The following NTM variants were observed in gnomAD, a reference collection of about 807,000 sequenced individuals.
The protein encoded by NTM is IgLON family member 2.
NTM carries 13 observed loss-of-function variants against 42.1 expected under a neutral mutation model. The observed-to-expected ratio is 0.31, with a 90% CI of 0.20 to 0.49. The LOEUF is 0.49. NTM is among the 20% of genes least tolerant of loss of function. The probability of loss-of-function intolerance (pLI) is 0.99; values close to 1 mark genes in which losing one functional copy is unlikely to be tolerated. For synonymous variants in NTM, 187 were observed against 179.2 expected (o/e 1.04, Z -0.35); for missense variants, 373 against 452.8 (o/e 0.82, Z 1.60).
At chr11:131,926,283 A>G (rs921661330) in intron 2 of NTM, among the ~76,000 whole-genome samples, 5 of 152,180 alleles carry the variant, frequency 3.3e-5, no homozygotes, top group African/African-American at 9.6e-5. Context: ...GCACAACTGT[A>G]CTTAGCAGGA....
intron 2 of NTM, among the ~76,000 whole-genome samples, chr11:131,973,696 A>C (rs1286886751): frequency 6.6e-6 from 1 of 152,212 alleles, no homozygotes; most frequent in African/African-American, 2.4e-5. Flanking sequence ...GAGCGCCCGT[A>C]ATCCCAGCTG....
chr11:132,241,980 G>C (rs1451953597), intron 4 of NTM, among the ~76,000 whole-genome samples: 2 of 152,230 alleles, frequency 1.3e-5, no homozygotes, highest in African/African-American at 2.4e-5. Flanking sequence ...ATTACTGTGA[G>C]TAAAACCTAT....
intron 2 of NTM, among the ~76,000 whole-genome samples, chr11:131,970,584 A>G (rs1049595675): frequency 2.0e-5 from 3 of 152,244 alleles, no homozygotes; most frequent in Admixed American, 2.0e-4. Flanking sequence ...TCTGGGATTC[A>G]GCAACACTTC....
At chr11:132,128,123 C>T (rs1328247603) in intron 2 of NTM, among the ~76,000 whole-genome samples, 2 of 152,202 alleles carry the variant, frequency 1.3e-5, no homozygotes, top group Non-Finnish European at 2.9e-5. Flanking sequence ...GGGCAGATGG[C>T]TGGGGACAGG....
intron 2 of NTM, among the ~76,000 whole-genome samples, chr11:131,932,553 TC>T (rs2058743974): frequency 1.3e-5 from 2 of 152,194 alleles, no homozygotes; most frequent in Non-Finnish European, 2.9e-5. Flanking sequence ...CCCCAATTCT[TC>T]CTGGATCTTA....
At chr11:131,699,920 G>A (rs1167852937) in intron 1 of NTM, among the ~76,000 whole-genome samples, 2 of 88,790 alleles carry the variant, frequency 2.3e-5, no homozygotes, top group African/African-American at 5.7e-5. Flanking sequence ...GTGTGTGTGT[G>A]TGTGTGTGTG....
chr11:131,643,108 G>A (rs1248430633), intron 1 of NTM, among the ~76,000 whole-genome samples: 3 of 151,396 alleles, frequency 2.0e-5, no homozygotes, highest in Non-Finnish European at 4.4e-5. Context: ...GGAAAAGAGA[G>A]ATCATATTTC....
chr11:132,103,236 C>T (rs565041633), intron 2 of NTM, among the ~76,000 whole-genome samples: 1 of 152,240 alleles, frequency 6.6e-6, no homozygotes, highest in East Asian at 1.9e-4. Context: ...ATTGGCACAT[C>T]GTCCCTGCCA....
At chr11:132,169,205 T>C (rs1390959791) in intron 3 of NTM, among the ~76,000 whole-genome samples, 1 of 151,774 alleles carries the variant, frequency 6.6e-6, no homozygotes, top group East Asian at 1.9e-4. Flanking sequence ...TAATCAGCTG[T>C]AGCCATCCAT....
At chr11:132,139,987 A>G (rs557268260) in intron 2 of NTM, among the ~76,000 whole-genome samples, 18 of 152,370 alleles carry the variant, frequency 1.2e-4, no homozygotes, top group African/African-American at 4.3e-4. Context: ...AGTACATGTT[A>G]TAGACTGTAC....
At chr11:132,125,688 TATGTGGTGTGA>T (rs1291293734) in intron 2 of NTM, among the ~76,000 whole-genome samples, 1 of 9,072 alleles carries the variant, frequency 1.1e-4, no homozygotes, top group African/African-American at 3.9e-4. Flanking sequence ...CGTAGTGGGG[TATGTGGTGTGA>T]GTGTGGTGTG....
In NTM at chr11:132,336,179, TATAC is replaced by T. The variant is rs1231514797; in HGVS notation, c.*1037_*1040del. 1 of 152,590 alleles carries T rather than the reference TATAC, an allele frequency of 6.6e-6. No individual in the cohort carries two copies. The highest frequency in any genetic ancestry group is 1.5e-5 in the Non-Finnish European group (1 of 68,038). The allele number at this position is 152,590 out of a possible 1,614,324, so 9.5% of individuals were successfully genotyped here. ...GATGACATATATTATACAGTATATATATACATATATTTTTTTTGTTAGAGTTCTA... is the reference window on the plus strand; with the variant it reads ...GATGACATATATTATACAGTATATATATATATTTTTTTTGTTAGAGTTCTA... On this transcript the variant is annotated 3_prime_UTR_variant, in exon 9 of 9. Transcript: ENST00000683400.
intron 1 of NTM, among the ~76,000 whole-genome samples, chr11:131,823,056 G>T (rs1260034833): frequency 6.6e-6 from 1 of 152,040 alleles, no homozygotes; most frequent in African/African-American, 2.4e-5. Flanking sequence ...GGAGACAAAT[G>T]CACTTGTTCT....
chr11:132,212,972 G>A (rs115050897), intron 4 of NTM, among the ~76,000 whole-genome samples: 232 of 150,436 alleles, frequency 1.5e-3, no homozygotes, highest in African/African-American at 5.2e-3. Context: ...AAAAAAAAGA[G>A]TATGCAATAT....
intron 2 of NTM, among the ~76,000 whole-genome samples, chr11:131,944,708 T>C (rs1055173844): frequency 7.9e-5 from 12 of 152,118 alleles, no homozygotes; most frequent in African/African-American, 2.4e-4. Flanking sequence ...GGGTAGGTAT[T>C]TGTAGTTTCA....
intron 2 of NTM, among the ~76,000 whole-genome samples, chr11:132,085,104 C>T (rs1442500509): frequency 6.6e-6 from 1 of 152,196 alleles, no homozygotes; most frequent in Non-Finnish European, 1.5e-5. Flanking sequence ...CCTTCTATAA[C>T]TTGTTTAAAC....
rs1394312704 is a variant in NTM at position 132,146,859 on chromosome 11, C to T, written c.400+345C>T. On this transcript the variant is annotated intron_variant, in intron 3 of 8. Coordinates refer to ENST00000683400, the MANE Select transcript of NTM (RefSeq NM_001352005.2). The surrounding 1 kb of genome is among the most constrained non-coding windows in gnomAD (Gnocchi z 4.5). ...TTTGTTTTGTTTTTTAGATTTCATC[C>T]AATTCCAAGACTGTGTTATGTTTAA... 2 of 300,526 alleles carry T rather than the reference C, an allele frequency of 6.7e-6. No homozygotes were observed. The highest frequency in any genetic ancestry group is 1.2e-5 in the Non-Finnish European group (2 of 161,672). The allele number at this position is 300,526 out of a possible 1,614,324, so 18.6% of individuals were successfully genotyped here. A position where few individuals can be genotyped will look rare whatever the true frequency, so the allele number is the denominator to read the frequency against.
chr11:132,182,889 T>C (rs1056423339), intron 3 of NTM, among the ~76,000 whole-genome samples: 1 of 152,186 alleles, frequency 6.6e-6, no homozygotes, highest in Non-Finnish European at 1.5e-5. Context: ...ATTTTAAAGA[T>C]TTTACTTACA....
intron 1 of NTM, among the ~76,000 whole-genome samples, chr11:131,839,570 A>G (rs2043963009): frequency 1.3e-5 from 2 of 152,338 alleles, no homozygotes; most frequent in South Asian, 4.1e-4. Flanking sequence ...GTGGGAGTTA[A>G]GGAAGCAAGA....
Sources: allele counts gnomAD v4.1 joint callset (sites outside exome capture counted in the v4.1 genomes callset), GRCh38; gene constraint gnomAD v4.1.1; non-coding constraint Gnocchi (gnomAD v3.1); transcripts MANE v1.5; gene names NCBI Gene and HGNC (gene_info 2026-07-23, HGNC 2026-07-21).